The following FGF2 variants were observed in gnomAD, a reference collection of about 807,000 sequenced individuals.
FGF2 encodes basic fibroblast growth factor bFGF.
In FGF2, 13 loss-of-function variants were observed where a neutral mutation model predicts 15.9. The ratio of observed to expected loss-of-function variants is 0.82; its 90% confidence interval spans 0.53 to 1.30. The LOEUF (loss-of-function observed/expected upper bound fraction) is 1.30, where lower values mean the gene tolerates loss of function less well. FGF2 is among the 50% of genes most tolerant of loss of function. The probability of loss-of-function intolerance (pLI) is 0.00; values close to 1 mark genes in which losing one functional copy is unlikely to be tolerated. For missense variants in FGF2, 163 were observed against 196.9 expected (o/e 0.83, Z 1.03); for synonymous variants, 90 against 78.4 (o/e 1.15, Z -0.78).
intron 2 of FGF2, among the ~76,000 whole-genome samples, chr4:122,891,910 T>C (rs761026076): frequency 2.4e-4 from 36 of 152,208 alleles, no homozygotes; most frequent in Non-Finnish European, 2.6e-4. Flanking sequence ...ATGTCCCTCC[T>C]TGTGTTTAAC....
chr4:122,872,947 AC>A (rs750693553), intron 1 of FGF2, among the ~76,000 whole-genome samples: 5 of 152,338 alleles, frequency 3.3e-5, no homozygotes, highest in Non-Finnish European at 7.3e-5. Flanking sequence ...GACCAATGAC[AC>A]TATGAAGAAA....
In FGF2 at chr4:122,881,164, A is replaced by T. The variant is rs114437217; in HGVS notation, c.282+4740A>T. Among the ~76,000 whole-genome samples, 1,235 of 152,224 alleles carry T rather than the reference A, an allele frequency of 8.1e-3. 16 individuals carry two copies. The highest frequency in any genetic ancestry group is 0.028 in the African/African-American group (1,167 of 41,546). On this transcript the variant is annotated intron_variant, in intron 2 of 2. Transcript: ENST00000644866. ...GAGGGACCCTGAGCCCAGCTCATGA[A>T]ACCATTTTTTCCTTGTAAACCTCTG... is the stretch of plus-strand genomic sequence containing the variant.
intron 1 of FGF2, among the ~76,000 whole-genome samples, chr4:122,855,540 C>T (rs1246756219): frequency 6.6e-6 from 1 of 152,154 alleles, no homozygotes; most frequent in African/African-American, 2.4e-5. Flanking sequence ...TACTGACTTC[C>T]TCAAAGGCCT....
chr4:122,875,328 A>T (rs978254916), intron 1 of FGF2, among the ~76,000 whole-genome samples: 1 of 151,952 alleles, frequency 6.6e-6, no homozygotes, highest in Non-Finnish European at 1.5e-5. Flanking sequence ...ATCTTATTTT[A>T]TGAAAATCTT....
intron 1 of FGF2, among the ~76,000 whole-genome samples, chr4:122,864,036 T>C (rs1338539177): frequency 6.6e-6 from 1 of 152,214 alleles, no homozygotes; most frequent in African/African-American, 2.4e-5. Flanking sequence ...TTATGGACTT[T>C]AATCACATTT....
intron 1 of FGF2, among the ~76,000 whole-genome samples, chr4:122,834,564 T>A (rs772323935): frequency 5.9e-5 from 9 of 152,210 alleles, no homozygotes; most frequent in Non-Finnish European, 1.3e-4. Flanking sequence ...TGCCTCTGAC[T>A]TCTTGATAAT....
intron 1 of FGF2, among the ~76,000 whole-genome samples, chr4:122,873,606 T>A (rs1431017410): frequency 1.3e-5 from 2 of 152,230 alleles, no homozygotes; most frequent in East Asian, 3.8e-4. Context: ...CATCTCTTTT[T>A]TGGGAAGAGG....
chr4:122,827,142 G>T lies in FGF2; in HGVS notation c.-33G>T, dbSNP rs754286080. ...GGCGGCTCCCCGCGCGGCTCCAGCG[G>T]CTCGGGGATCCCGGCCGGGCCCCGC... is the stretch of plus-strand genomic sequence containing the variant. On this transcript the variant is annotated 5_prime_UTR_variant, in exon 1 of 3. Coordinates refer to ENST00000644866, the MANE Select transcript of FGF2 (RefSeq NM_001361665.2). The surrounding 1 kb of genome is among the most constrained non-coding windows in gnomAD (Gnocchi z 4.2). 5.9e-6 allele frequency: 8 copies of T among 1,364,388 alleles called. No individual in the cohort carries two copies. Among genetic ancestry groups the T allele is most frequent in the Middle Eastern group, 2.7e-4 (1 of 3,722 alleles). 84.5% of individuals were successfully genotyped at this position (1,364,388 alleles called of 1,614,324 possible).
At chr4:122,836,209 C>T (rs981302260) in intron 1 of FGF2, among the ~76,000 whole-genome samples, 22 of 152,208 alleles carry the variant, frequency 1.4e-4, no homozygotes, top group African/African-American at 4.8e-4. Flanking sequence ...TCTATCCTCA[C>T]ACACAGTGGC....
chr4:122,861,488 T>A (rs901550363), intron 1 of FGF2, among the ~76,000 whole-genome samples: 1 of 152,014 alleles, frequency 6.6e-6, no homozygotes, highest in Non-Finnish European at 1.5e-5. Flanking sequence ...CCTCCCTTCT[T>A]CTCTCCTTCC....
intron 2 of FGF2, among the ~76,000 whole-genome samples, chr4:122,881,648 A>T (rs1348579007): frequency 2.0e-5 from 3 of 152,110 alleles, no homozygotes; most frequent in Non-Finnish European, 2.9e-5. Context: ...CATTATCAGC[A>T]TTTTGGTCAG....
intron 1 of FGF2, among the ~76,000 whole-genome samples, chr4:122,864,457 A>G (rs1246074601): frequency 6.6e-6 from 1 of 152,238 alleles, no homozygotes; most frequent in Admixed American, 6.5e-5. Flanking sequence ...GTATAAAATT[A>G]CTGTGAGTGG....
chr4:122,833,538 ATT>A (rs1725806696), intron 1 of FGF2, among the ~76,000 whole-genome samples: 1 of 152,220 alleles, frequency 6.6e-6, no homozygotes, highest in Non-Finnish European at 1.5e-5. Flanking sequence ...CTGTGAACAG[ATT>A]ATTCTCTGTT....
In FGF2 at chr4:122,827,083, A is replaced by G; in HGVS notation, c.-92A>G. ...GGCCGGGGCCGGGGCCGTGCCCCGGAGCGGGTCGGAGGCCGGGGCCGGGGC... is the reference window on the plus strand; with the variant it reads ...GGCCGGGGCCGGGGCCGTGCCCCGGGGCGGGTCGGAGGCCGGGGCCGGGGC... On this transcript the variant is annotated 5_prime_UTR_variant, in exon 1 of 3. Transcript: ENST00000644866. This position sits in a 1 kb window ranked among gnomAD's most constrained non-coding sequence, Gnocchi z 4.2. 2 of 1,148,868 alleles carry G rather than the reference A, an allele frequency of 1.7e-6. No individual in the cohort carries two copies. Among genetic ancestry groups the G allele is most frequent in the Non-Finnish European group, 2.1e-6 (2 of 935,650 alleles). 71.2% of individuals were successfully genotyped at this position (1,148,868 alleles called of 1,614,324 possible).
intron 1 of FGF2, among the ~76,000 whole-genome samples, chr4:122,866,031 T>C (rs1262785167): frequency 6.6e-6 from 1 of 152,176 alleles, no homozygotes; most frequent in Non-Finnish European, 1.5e-5. Context: ...TAAATTGGAC[T>C]TCATGAAAAT....
rs530797156 is a variant in FGF2 at position 122,882,769 on chromosome 4, G to A, written c.282+6345G>A. The A allele has an allele frequency of 3.3e-5, 5 of 152,264 alleles. No individual in the cohort carries two copies. In the East Asian group the frequency reaches 5.8e-4, roughly 18 times the overall value. The allele number at this position is 152,264 out of a possible 1,614,324, so 9.4% of individuals were successfully genotyped here. ...CGTTTCAGCTCTCGTCATACGACCT[G>A]TTCACAAGTTAATCTCTAGTCTTAC... On this transcript the variant is annotated intron_variant, in intron 2 of 2. Transcript: ENST00000644866.
At chr4:122,874,165 A>C (rs1308874151) in intron 1 of FGF2, among the ~76,000 whole-genome samples, 2 of 152,216 alleles carry the variant, frequency 1.3e-5, no homozygotes, top group Admixed American at 1.3e-4. Context: ...TGAGATGCAA[A>C]TGCATTCTTC....
At chr4:122,889,215 C>G (rs1425463874) in intron 2 of FGF2, among the ~76,000 whole-genome samples, 2 of 152,062 alleles carry the variant, frequency 1.3e-5, no homozygotes, top group African/African-American at 4.8e-5. Context: ...AAAGTATATG[C>G]ATAAAAGCAG....
At position 122,876,379 on chromosome 4, in the gene FGF2, T is replaced by C; in HGVS notation, c.237T>C (p.Ala79=). The change falls in exon 2 of 3, where the codon GCT becomes GCC. Residue 79 remains alanine, a synonymous_variant. Transcript: ENST00000644866. ...RGVVSIKGVC[A]NRYLAMKEDG... ...TTGTGTCTATCAAAGGAGTGTGTGCTAACCGTTACCTGGCTATGAAGGAAG... is the reference window on the plus strand; with the variant it reads ...TTGTGTCTATCAAAGGAGTGTGTGCCAACCGTTACCTGGCTATGAAGGAAG... 1 of 1,613,640 alleles carries C rather than the reference T, an allele frequency of 6.2e-7. No homozygotes were observed. Among genetic ancestry groups the C allele is most frequent in the Non-Finnish European group, 8.5e-7 (1 of 1,179,618 alleles).
Sources: allele counts gnomAD v4.1 joint callset (sites outside exome capture counted in the v4.1 genomes callset), GRCh38; gene constraint gnomAD v4.1.1; non-coding constraint Gnocchi (gnomAD v3.1); transcripts MANE v1.5; gene names NCBI Gene and HGNC (gene_info 2026-07-23, HGNC 2026-07-21).